Variants in ADAMTS3 observed in about 807,000 individuals in gnomAD.
The protein encoded by ADAMTS3 is ADAM metallopeptidase with thrombospondin type 1 motif 3, also known as A disintegrin and metalloproteinase with thrombospondin motifs 3.
In ADAMTS3, 73 loss-of-function variants were observed where a neutral mutation model predicts 129.0. The ratio of observed to expected loss-of-function variants is 0.57; its 90% CI spans 0.47 to 0.69. The LOEUF (loss-of-function observed/expected upper bound fraction) is 0.69, where lower values mean the gene tolerates loss of function less well. Among genes scored for constraint, ADAMTS3 ranks in the 30% least tolerant of loss-of-function variants. The pLI is 0.00. For synonymous variants in ADAMTS3, 477 were observed against 510.8 expected (o/e 0.93, Z 0.89); for missense variants, 1,457 against 1,514.5 (o/e 0.96, Z 0.63).
chr4:72,518,106 T>A (rs1246794279), intron 3 of ADAMTS3, among the ~76,000 whole-genome samples: 1 of 152,226 alleles, frequency 6.6e-6, no homozygotes, highest in African/African-American at 2.4e-5. Context: ...CCAGTAGTCA[T>A]TCAGGAACAG....
chr4:72,507,947 TAA>T (rs1309073307), intron 3 of ADAMTS3, among the ~76,000 whole-genome samples: 1 of 152,236 alleles, frequency 6.6e-6, no homozygotes, highest in Admixed American at 6.5e-5. Context: ...GCTGATTTAT[TAA>T]GTCACATATG....
chr4:72,529,645 C>T (rs919291623), intron 3 of ADAMTS3, among the ~76,000 whole-genome samples: 24 of 124,714 alleles, frequency 1.9e-4, no homozygotes, highest in Non-Finnish European at 3.4e-4. Context: ...ATATATAATA[C>T]ATTATAATAT....
intron 2 of ADAMTS3, among the ~76,000 whole-genome samples, chr4:72,557,556 AAAAT>A (rs1323416773): frequency 6.6e-6 from 1 of 151,826 alleles, no homozygotes; most frequent in Non-Finnish European, 1.5e-5. Context: ...AACTATTTGA[AAAAT>A]AAAGGTCATG....
intron 4 of ADAMTS3, among the ~76,000 whole-genome samples, chr4:72,383,523 G>A (rs1246695206): frequency 6.6e-6 from 1 of 152,198 alleles, no homozygotes; most frequent in Admixed American, 6.5e-5. Context: ...GAAAGTCATA[G>A]AAGGTGACTT....
At chr4:72,530,588 A>AATT in intron 3 of ADAMTS3, among the ~76,000 whole-genome samples, 1 of 31,876 alleles carries the variant, frequency 3.1e-5, no homozygotes, top group Admixed American at 4.5e-4. Context: ...TATATTAAAT[A>AATT]TATATTAATA....
intron 3 of ADAMTS3, among the ~76,000 whole-genome samples, chr4:72,506,870 A>C (rs1240923890): frequency 2.0e-5 from 3 of 152,154 alleles, no homozygotes; most frequent in Non-Finnish European, 2.9e-5. Context: ...ATTCCAGTGG[A>C]TTCCCATTTT....
chr4:72,306,999 T>C (rs1315477228), intron 15 of ADAMTS3, among the ~76,000 whole-genome samples: 3 of 151,916 alleles, frequency 2.0e-5, no homozygotes. Context: ...CTCATTATCA[T>C]ACAAATAAAT....
intron 3 of ADAMTS3, among the ~76,000 whole-genome samples, chr4:72,530,325 ATG>A (rs1168676530): frequency 1.2e-5 from 1 of 84,592 alleles, no homozygotes; most frequent in Non-Finnish European, 2.0e-5. Flanking sequence ...AAATTCATAT[ATG>A]TTAATATAAT....
intron 3 of ADAMTS3, among the ~76,000 whole-genome samples, chr4:72,487,940 C>A (rs2110012324): frequency 6.6e-6 from 1 of 151,904 alleles, no homozygotes; most frequent in Non-Finnish European, 1.5e-5. Flanking sequence ...GAAAAAATAG[C>A]CCTTTTCTTA....
chr4:72,479,589 C>T (rs1215944399), intron 3 of ADAMTS3, among the ~76,000 whole-genome samples: 2 of 152,110 alleles, frequency 1.3e-5, no homozygotes, highest in African/African-American at 2.4e-5. Context: ...ACCATAAAAA[C>T]CCTAGAAGAA....
At chr4:72,561,301 T>A (rs559184076) in intron 2 of ADAMTS3, among the ~76,000 whole-genome samples, 24 of 151,728 alleles carry the variant, frequency 1.6e-4, no homozygotes, top group Admixed American at 1.4e-3. Flanking sequence ...GAGCTGAGAT[T>A]GTGCCACTGC....
chr4:72,281,493 T>A lies in ADAMTS3; in HGVS notation c.*1643A>T, dbSNP rs1274119950. On this transcript the variant is annotated 3_prime_UTR_variant, in exon 22 of 22. Coordinates refer to ENST00000286657, the MANE Select transcript of ADAMTS3 (RefSeq NM_014243.3). ...ATCACTATCTCCTCTCATGTACATG[T>A]AATTCATGATGCACTTATCTCTTTC... is the stretch of plus-strand genomic sequence containing the variant. 1 of 152,346 alleles carries A rather than the reference T, an allele frequency of 6.6e-6. No individual in the cohort carries two copies. Among genetic ancestry groups the A allele is most frequent in the Non-Finnish European group, 1.5e-5 (1 of 68,040 alleles). 9.4% of individuals were successfully genotyped at this position (152,346 alleles called of 1,614,324 possible).
chr4:72,512,736 G>A (rs1720349570), intron 3 of ADAMTS3, among the ~76,000 whole-genome samples: 1 of 152,012 alleles, frequency 6.6e-6, no homozygotes, highest in Admixed American at 6.6e-5. Flanking sequence ...CACCTACTAT[G>A]TACCCACAAA....
chr4:72,444,581 T>C (rs1460830750), intron 3 of ADAMTS3, among the ~76,000 whole-genome samples: 1 of 151,776 alleles, frequency 6.6e-6, no homozygotes, highest in East Asian at 2.0e-4. Flanking sequence ...TCCTTTTCTG[T>C]GTGAAGCTAT....
rs554809107 is a variant in ADAMTS3 at position 72,394,396 on chromosome 4, G to T, written c.661+20419C>A. ...GGCCAAGAAAGGAGTCCCAAAGCTC[G>T]CCATGACTCAACAGGAAGCTCTTTG... On this transcript the variant is annotated intron_variant, in intron 4 of 21. Coordinates refer to ENST00000286657, the MANE Select transcript of ADAMTS3 (RefSeq NM_014243.3). 6.6e-5 allele frequency among the ~76,000 whole-genome samples: 10 copies of T among 152,196 alleles called. No homozygotes were observed. The South Asian group carries it at 1.9e-3, about 28-fold the overall frequency.
chr4:72,306,256 C>A (rs1719088038), intron 15 of ADAMTS3, among the ~76,000 whole-genome samples, 189 bp from the exon 16 acceptor site: 1 of 151,842 alleles, frequency 6.6e-6, no homozygotes, highest in African/African-American at 2.4e-5. Context: ...AAATTAGAGG[C>A]AACTTTTTTT....
chr4:72,283,561 C>T lies in ADAMTS3; in HGVS notation c.3193G>A (p.Ala1065Thr), dbSNP rs1367366976. 5 of 1,614,008 alleles carry T rather than the reference C, an allele frequency of 3.1e-6. No homozygotes were observed. The highest frequency in any genetic ancestry group is 2.2e-5 in the South Asian group (2 of 91,074). ...STLPPPYLLE[A>T]AETHDDVISN... ...ATGACATCATCATGAGTTTCAGCAG[C>T]TTCTAGAAGGTATGGTGGTGGCAGG... Residue 1065 changes from alanine to threonine, a missense_variant, in exon 22 of 22, where the codon GCT (alanine) becomes ACT (threonine). Transcript: ENST00000286657.
chr4:72,371,545 A>AAT (rs1721008704), intron 4 of ADAMTS3, among the ~76,000 whole-genome samples: 1 of 151,690 alleles, frequency 6.6e-6, no homozygotes, highest in Non-Finnish European at 1.5e-5. Context: ...AAAAACAAAA[A>AAT]ATATATATAT....
chr4:72,442,334 C>A (rs1358847491), intron 3 of ADAMTS3: 2 of 151,804 alleles, frequency 1.3e-5, no homozygotes, highest in African/African-American at 4.8e-5. Flanking sequence ...ATTTGTCCTG[C>A]AGTTCTGCAG....
Sources: allele counts gnomAD v4.1 joint callset (sites outside exome capture counted in the v4.1 genomes callset), GRCh38; gene constraint gnomAD v4.1.1; transcripts MANE v1.5; gene names NCBI Gene and HGNC (gene_info 2026-07-23, HGNC 2026-07-21).